Variants in SNN observed in about 807,000 individuals in gnomAD.
SNN encodes AG8_1.
A neutral mutation model predicts 5.3 loss-of-function variants in SNN; 5 were observed. The observed-to-expected ratio is 0.94, with a 90% CI of 0.49 to 1.97. The LOEUF (loss-of-function observed/expected upper bound fraction) is 1.97, where lower values mean the gene tolerates loss of function less well. Among genes scored for constraint, SNN ranks in the 30% most tolerant of loss-of-function variants. SNN has a pLI of 0.01. For missense variants in SNN, 127 were observed against 121.6 expected (o/e 1.04, Z -0.21); for synonymous variants, 67 against 52.1 (o/e 1.29, Z -1.24).
chr16:11,675,691 C>G (rs77201549), intron 1 of SNN, among the ~76,000 whole-genome samples: 2 of 152,350 alleles, frequency 1.3e-5, no homozygotes, highest in Non-Finnish European at 2.9e-5. Context: ...GCTGAAGAAC[C>G]AGAACCATGT....
In SNN at chr16:11,676,210, G is replaced by T. The variant is rs367926688; in HGVS notation, c.151G>T (p.Val51Leu). The change falls in exon 2 of 2, where the codon GTG (valine) becomes TTG (leucine). Residue 51 changes from valine to leucine, a missense_variant. By Grantham distance (32) the Val-to-Leu change is conservative. Transcript: ENST00000329565. ...CCAGTCAGAGGACGAGGAGAGCATC[G>T]TGGGGGATGGGGAGACCAAGGAACC... ...ISQSEDEESI[V>L]GDGETKEPFL... The T allele has an allele frequency of 5.0e-6, 8 of 1,614,110 alleles. No individual in the cohort carries two copies. The highest frequency in any genetic ancestry group is 6.8e-6 in the Non-Finnish European group (8 of 1,180,062).
chr16:11,668,893 CA>C lies in SNN; in HGVS notation c.-86+357del, dbSNP rs141298508. ...CTTCCCCCGGCATTTCGGGGTTCTT[CA>C]AAATTCTGGGAGCTCCGGGGAGGGC... On this transcript the variant is annotated intron_variant, in intron 1 of 1. Transcript: ENST00000329565. This position sits in a 1 kb window ranked among gnomAD's most constrained non-coding sequence, Gnocchi z 6.8. Among the ~76,000 whole-genome samples the C allele has an allele frequency of 0.015, 2,266 of 152,024 alleles. 92 individuals carry two copies. Among genetic ancestry groups the C allele is most frequent in the East Asian group, 0.093 (476 of 5,114 alleles).
Position 11,678,369 on chromosome 16 carries a change from T to TA in SNN, c.*2044dup, listed in dbSNP as rs1395976666. ...CTCGACTCTCACCACAGCCAGCACA[T>TA]ACACCTAGGCTGTTTTTCCTTCCTC... On this transcript the variant is annotated 3_prime_UTR_variant, in exon 2 of 2. Transcript: ENST00000329565. The TA allele has an allele frequency of 3.0e-5, 5 of 167,170 alleles. No individual in the cohort carries two copies. The East Asian group carries it at 9.6e-4, about 32-fold the overall frequency. The allele number at this position is 167,170 out of a possible 1,614,324, so 10.4% of individuals were successfully genotyped here.
intron 1 of SNN, among the ~76,000 whole-genome samples, chr16:11,673,101 G>A (rs1402554324): frequency 6.6e-6 from 1 of 152,172 alleles, no homozygotes; most frequent in African/African-American, 2.4e-5. Context: ...GGTGGGAGGT[G>A]GGAGGCACAG....
rs1339263122 is a variant in SNN at position 11,676,495 on chromosome 16, G to C, written c.*169G>C. 13 of 846,982 alleles carry C rather than the reference G, an allele frequency of 1.5e-5. No homozygotes were observed. The East Asian group carries it at 3.5e-4, about 23-fold the overall frequency. 52.5% of individuals were successfully genotyped at this position (846,982 alleles called of 1,614,324 possible). A position where few individuals can be genotyped will look rare whatever the true frequency, so the allele number is the denominator to read the frequency against. On this transcript the variant is annotated 3_prime_UTR_variant, in exon 2 of 2. Coordinates refer to ENST00000329565, the MANE Select transcript of SNN (RefSeq NM_003498.6). Reference sequence around the variant, plus strand: ...GATGCCCGGGGACCTGGCTGTCCTGGGCTTCCCCTCGGCCTCCAGGTGAGG... The same window carrying C: ...GATGCCCGGGGACCTGGCTGTCCTGCGCTTCCCCTCGGCCTCCAGGTGAGG...
chr16:11,679,127 T>C lies in SNN; in HGVS notation c.*2801T>C. ...AATCTTTATTTACAATAAATTTCAA[T>C]AAAATTTGCATAAATATATTCCCAA... is the stretch of plus-strand genomic sequence containing the variant. On this transcript the variant is annotated 3_prime_UTR_variant, in exon 2 of 2. Coordinates refer to ENST00000329565, the MANE Select transcript of SNN (RefSeq NM_003498.6). This position sits in a 1 kb window ranked among gnomAD's most constrained non-coding sequence, Gnocchi z 4.6. 3 of 1,497,430 alleles carry C rather than the reference T, an allele frequency of 2.0e-6. No individual in the cohort carries two copies. Among genetic ancestry groups the C allele is most frequent in the Non-Finnish European group, 2.7e-6 (3 of 1,102,644 alleles). 92.8% of individuals were successfully genotyped at this position (1,497,430 alleles called of 1,614,324 possible). A position where few individuals can be genotyped will look rare whatever the true frequency, so the allele number is the denominator to read the frequency against.
Position 11,676,446 on chromosome 16 carries a change from G to A in SNN, c.*120G>A. ...GCTGACACTTGCTGGCATGGCCTCT[G>A]CGGGCTTCGTCATCGCATGCACTGA... On this transcript the variant is annotated 3_prime_UTR_variant, in exon 2 of 2. Coordinates refer to ENST00000329565, the MANE Select transcript of SNN (RefSeq NM_003498.6). 7.8e-7 allele frequency: 1 copy of A among 1,274,672 alleles called. No individual in the cohort carries two copies. Among genetic ancestry groups the A allele is most frequent in the East Asian group, 2.5e-5 (1 of 39,298 alleles). The allele number at this position is 1,274,672 out of a possible 1,614,324, so 79.0% of individuals were successfully genotyped here.
At chr16:11,675,143 G>A (rs377639796) in intron 1 of SNN, among the ~76,000 whole-genome samples, 5 of 152,102 alleles carry the variant, frequency 3.3e-5, no homozygotes, top group East Asian at 1.9e-4. Flanking sequence ...GGTGACAAAG[G>A]CTGTTGTCCA....
Position 11,676,494 on chromosome 16 carries a change from G to A in SNN, c.*168G>A. 1 of 850,686 alleles carries A rather than the reference G, an allele frequency of 1.2e-6. No homozygotes were observed. The highest frequency in any genetic ancestry group is 1.8e-6 in the Non-Finnish European group (1 of 552,882). 52.7% of individuals were successfully genotyped at this position (850,686 alleles called of 1,614,324 possible). A position where few individuals can be genotyped will look rare whatever the true frequency, so the allele number is the denominator to read the frequency against. On this transcript the variant is annotated 3_prime_UTR_variant, in exon 2 of 2. Coordinates refer to ENST00000329565, the MANE Select transcript of SNN (RefSeq NM_003498.6). The stretch of plus-strand genomic sequence containing the variant: ...TGATGCCCGGGGACCTGGCTGTCCT[G>A]GGCTTCCCCTCGGCCTCCAGGTGAG...
In SNN at chr16:11,668,666, C is replaced by T. The variant is rs2050244664; in HGVS notation, c.-86+126C>T. The T allele has an allele frequency of 2.6e-5, 3 of 115,954 alleles. No homozygotes were observed. Among genetic ancestry groups the T allele is most frequent in the African/African-American group, 6.3e-5 (2 of 31,816 alleles). The allele number at this position is 115,954 out of a possible 1,614,324, so 7.2% of individuals were successfully genotyped here. ...GCGGGGCCGGGCCGGGGTCTGCGGG[C>T]GGGGGAGGGGCGGCCCGGCGGGCGC... is the stretch of plus-strand genomic sequence containing the variant. On this transcript the variant is annotated intron_variant, in intron 1 of 1. Coordinates refer to ENST00000329565, the MANE Select transcript of SNN (RefSeq NM_003498.6). The surrounding 1 kb of genome is among the most constrained non-coding windows in gnomAD (Gnocchi z 6.8).
chr16:11,673,888 C>A (rs1410187512), intron 1 of SNN, among the ~76,000 whole-genome samples: 1 of 152,212 alleles, frequency 6.6e-6, no homozygotes, highest in Non-Finnish European at 1.5e-5. Context: ...TTAGCGCCTG[C>A]GGCAGCCTGT....
At chr16:11,669,283 G>T (rs765514554) in intron 1 of SNN, among the ~76,000 whole-genome samples, 2 of 152,206 alleles carry the variant, frequency 1.3e-5, no homozygotes, top group African/African-American at 4.8e-5. Context: ...CTCGGGAGCC[G>T]CCGGGGCGCT....
Position 11,672,357 on chromosome 16 carries a change from G to A in SNN, c.-85-3618G>A, listed in dbSNP as rs1276950767. The stretch of plus-strand genomic sequence containing the variant: ...GGCAAGGCTGTAGTGGTGGGGTGTG[G>A]GAGGAGGGGCGCCTGGGTCCAGGGT... On this transcript the variant is annotated intron_variant, in intron 1 of 1. Transcript: ENST00000329565. This position sits in a 1 kb window ranked among gnomAD's most constrained non-coding sequence, Gnocchi z 6.0. 6.6e-6 allele frequency among the ~76,000 whole-genome samples: 1 copy of A among 152,180 alleles called. No homozygotes were observed. Among genetic ancestry groups the A allele is most frequent in the Non-Finnish European group, 1.5e-5 (1 of 68,018 alleles).
rs536264791 is a variant in SNN, at chr16:11,675,263, T to C, written c.-85-712T>C. 3.4e-3 allele frequency among the ~76,000 whole-genome samples: 485 copies of C among 143,070 alleles called. 4 individuals are homozygous for C. Among genetic ancestry groups the C allele is most frequent in the African/African-American group, 9.3e-3 (358 of 38,466 alleles). 93.9% of individuals were successfully genotyped at this position (143,070 alleles called of 152,430 possible). A position where few individuals can be genotyped will look rare whatever the true frequency, so the allele number is the denominator to read the frequency against. On this transcript the variant is annotated intron_variant, in intron 1 of 1. Transcript: ENST00000329565. ...TTTCTTTTTCTTTTTTTTTTCTTTT[T>C]TTTTTTTTTTTTTTGAAGAGACTCT...
chr16:11,678,039 G>C lies in SNN; in HGVS notation c.*1713G>C, dbSNP rs911679773. On this transcript the variant is annotated 3_prime_UTR_variant, in exon 2 of 2. Coordinates refer to ENST00000329565, the MANE Select transcript of SNN (RefSeq NM_003498.6). ...CGGCTGGGCCACCTGAGCAGAAGGT[G>C]GTAATGAAACACCTCAGCTGGGCTC... 1 of 167,186 alleles carries C rather than the reference G, an allele frequency of 6.0e-6. No individual in the cohort carries two copies. The highest frequency in any genetic ancestry group is 2.4e-5 in the African/African-American group (1 of 41,440). The allele number at this position is 167,186 out of a possible 1,614,324, so 10.4% of individuals were successfully genotyped here. A position where few individuals can be genotyped will look rare whatever the true frequency, so the allele number is the denominator to read the frequency against.
Position 11,676,476 on chromosome 16 carries a change from C to T in SNN, c.*150C>T, listed in dbSNP as rs530409928. The T allele has an allele frequency of 1.9e-5, 19 of 992,208 alleles. No homozygotes were observed. In the South Asian group the frequency reaches 2.0e-4, roughly 11 times the overall value. The allele number at this position is 992,208 out of a possible 1,614,324, so 61.5% of individuals were successfully genotyped here. On this transcript the variant is annotated 3_prime_UTR_variant, in exon 2 of 2. Coordinates refer to ENST00000329565, the MANE Select transcript of SNN (RefSeq NM_003498.6). The stretch of plus-strand genomic sequence containing the variant: ...CTTCGTCATCGCATGCACTGATGCC[C>T]GGGGACCTGGCTGTCCTGGGCTTCC...
chr16:11,675,727 A>AGCTGTC (rs1387323740), intron 1 of SNN, among the ~76,000 whole-genome samples: 3 of 152,212 alleles, frequency 2.0e-5, no homozygotes, highest in Admixed American at 2.0e-4. Flanking sequence ...CCTTTGCTGC[A>AGCTGTC]GCTGTCGCTG....
rs2050319225 is a variant in SNN at position 11,677,845 on chromosome 16, A to G, written c.*1519A>G. The G allele has an allele frequency of 6.0e-6, 1 of 167,148 alleles. No homozygotes were observed. The highest frequency in any genetic ancestry group is 2.4e-5 in the African/African-American group (1 of 41,448). The allele number at this position is 167,148 out of a possible 1,614,324, so 10.4% of individuals were successfully genotyped here. ...AGAGCTCTGGCCTCCTGCTCAGACTAAAGGCACCTCCTCTGGCCTCACCCA... is the reference window on the plus strand; with the variant it reads ...AGAGCTCTGGCCTCCTGCTCAGACTGAAGGCACCTCCTCTGGCCTCACCCA... On this transcript the variant is annotated 3_prime_UTR_variant, in exon 2 of 2. Transcript: ENST00000329565. The surrounding 1 kb of genome is among the most constrained non-coding windows in gnomAD (Gnocchi z 4.2).
chr16:11,676,168 C>G lies in SNN; in HGVS notation c.109C>G (p.Arg37Gly). Residue 37 changes from arginine to glycine, a missense_variant, in exon 2 of 2, where the codon CGG (arginine) becomes GGG (glycine). By Grantham distance (125) the Arg-to-Gly change is moderately radical. Coordinates refer to ENST00000329565, the MANE Select transcript of SNN (RefSeq NM_003498.6). ...GATCCTGGGCTGCTGGTGCTACCTG[C>G]GGCTGCAGCGCATCAGCCAGTCAGA... The part of the protein sequence containing the change: ...ALILGCWCYL[R>G]LQRISQSEDE... 1.2e-6 allele frequency: 2 copies of G among 1,614,174 alleles called. No individual in the cohort carries two copies. The highest frequency in any genetic ancestry group is 1.7e-6 in the Non-Finnish European group (2 of 1,180,028).
Sources: allele counts gnomAD v4.1 joint callset (sites outside exome capture counted in the v4.1 genomes callset), GRCh38; gene constraint gnomAD v4.1.1; non-coding constraint Gnocchi (gnomAD v3.1); transcripts MANE v1.5; gene names NCBI Gene and HGNC (gene_info 2026-07-23, HGNC 2026-07-21).